EXD3: variants seen among roughly 807,000 people sequenced by gnomAD.
EXD3 encodes the protein exonuclease mut-7 homolog.
A neutral mutation model predicts 98.0 loss-of-function variants in EXD3; 92 were observed. That is an observed-to-expected ratio of 0.94 (90% CI 0.79 to 1.12). The LOEUF is 1.12. EXD3 is among the 50% of genes most tolerant of loss of function. EXD3 has a pLI of 0.00. For missense variants in EXD3, 1,222 were observed against 1,191.6 expected, an observed-to-expected ratio of 1.03 and a Z score of -0.38; for synonymous variants, 569 against 526.0, an observed-to-expected ratio of 1.08 and a Z score of -1.12.
At chr9:137,388,941 A>G (rs1300378584) in intron 2 of EXD3, among the ~76,000 whole-genome samples, 1 of 152,130 alleles carries the variant, frequency 6.6e-6, no homozygotes, top group Non-Finnish European at 1.5e-5. Context: ...CTGACCGCCC[A>G]CGGACAGCAG....
Position 137,395,264 on chromosome 9 carries a change from A to C in EXD3, c.55+39T>G. On this transcript the variant is annotated intron_variant, in intron 2 of 21. Transcript: ENST00000340951. This position sits in a 1 kb window ranked among gnomAD's most constrained non-coding sequence, Gnocchi z 6.5. ...TGCACACCCACGCACCTCCCCCCACAGCCCCAGGGAGACTCGGCACCATCA... is the reference window on the plus strand; with the variant it reads ...TGCACACCCACGCACCTCCCCCCACCGCCCCAGGGAGACTCGGCACCATCA... 11 of 1,456,320 alleles carry C rather than the reference A, an allele frequency of 7.6e-6. No individual in the cohort carries two copies. The highest frequency in any genetic ancestry group is 1.1e-5 in the South Asian group (1 of 88,760). 90.2% of individuals were successfully genotyped at this position (1,456,320 alleles called of 1,614,324 possible). A position where few individuals can be genotyped will look rare whatever the true frequency, so the allele number is the denominator to read the frequency against.
chr9:137,366,198 G>GC lies in EXD3; in HGVS notation c.656+294dup, dbSNP rs1384029617. 1.6e-5 allele frequency: 11 copies of GC among 702,376 alleles called. 1 individual carries two copies. The African/African-American group carries it at 1.7e-4, about 11-fold the overall frequency. The allele number at this position is 702,376 out of a possible 1,614,324, so 43.5% of individuals were successfully genotyped here. A position where few individuals can be genotyped will look rare whatever the true frequency, so the allele number is the denominator to read the frequency against. ...AACAAAGGAATGGATGAACAAGAAA[G>GC]CAGTACGGTTGCCATGCCTGCATGA... On this transcript the variant is annotated intron_variant, in intron 7 of 21. Coordinates refer to ENST00000340951, the MANE Select transcript of EXD3 (RefSeq NM_017820.5).
chr9:137,384,349 C>T (rs965239681), intron 2 of EXD3, among the ~76,000 whole-genome samples: 20 of 152,368 alleles, frequency 1.3e-4, no homozygotes, highest in African/African-American at 4.1e-4. Flanking sequence ...GGTTATGATT[C>T]AGCCCAGGAC....
chr9:137,388,459 C>T (rs376484737), intron 2 of EXD3, among the ~76,000 whole-genome samples: 5 of 152,204 alleles, frequency 3.3e-5, no homozygotes, highest in South Asian at 2.1e-4. Context: ...GAGACACAGA[C>T]GCACGCGGGA....
rs1364027908 is a variant in EXD3, at chr9:137,350,888, C to T, written c.1494+150G>A. The T allele has an allele frequency of 4.6e-6, 3 of 648,568 alleles. No individual in the cohort carries two copies. The East Asian group carries it at 8.3e-5, about 18-fold the overall frequency. 40.2% of individuals were successfully genotyped at this position (648,568 alleles called of 1,614,324 possible). A position where few individuals can be genotyped will look rare whatever the true frequency, so the allele number is the denominator to read the frequency against. On this transcript the variant is annotated intron_variant, in intron 14 of 21. Transcript: ENST00000340951. ...AGATGCCAGATCCAGCTCTGCCAGG[C>T]TCTGCTCTGGGGCCCTGGTGACTGA...
At chr9:137,382,823 C>T (rs575866482) in intron 3 of EXD3, among the ~76,000 whole-genome samples, 14 of 152,272 alleles carry the variant, frequency 9.2e-5, no homozygotes, top group Middle Eastern at 3.4e-3. Flanking sequence ...ACTAAGGAGC[C>T]GGAATCCGCG....
intron 1 of EXD3, among the ~76,000 whole-genome samples, chr9:137,402,583 CAACAAGTCTCT>C: frequency 6.6e-6 from 1 of 152,258 alleles, no homozygotes. Flanking sequence ...CAAAGCTATT[CAACAAGTCTCT>C]AGGAGGTTCC....
In EXD3 at chr9:137,340,529, C is replaced by CT. The variant is rs1330497354; in HGVS notation, c.1998+7541dup. ...TATTCATGAATAGAAGACTCAATATCTTTTTTTCTTTTTTTTAATGAGGTC... is the reference window on the plus strand; with the variant it reads ...TATTCATGAATAGAAGACTCAATATCTTTTTTTTCTTTTTTTTAATGAGGTC... On this transcript the variant is annotated intron_variant, in intron 17 of 21. Transcript: ENST00000340951. Among the ~76,000 whole-genome samples, 9 of 151,704 alleles carry CT rather than the reference C, an allele frequency of 5.9e-5. No individual in the cohort carries two copies. In the East Asian group the frequency reaches 7.8e-4, roughly 13 times the overall value.
At chr9:137,353,408 C>T (rs1834419382) in intron 10 of EXD3, 1 of 985,414 alleles carries the variant, frequency 1.0e-6, no homozygotes, top group South Asian at 4.7e-5. Flanking sequence ...CGCTCCTCCT[C>T]TTGCCAGGGG....
intron 1 of EXD3, among the ~76,000 whole-genome samples, chr9:137,420,262 C>T (rs1733155994): frequency 6.6e-6 from 1 of 152,106 alleles, no homozygotes; most frequent in Admixed American, 6.5e-5. Context: ...CTTGCTGACT[C>T]TTTTTATATT....
rs185720381 is a variant in EXD3, at chr9:137,420,745, C to A, written c.-48+2369G>T. Among the ~76,000 whole-genome samples the A allele has an allele frequency of 3.6e-4, 54 of 148,116 alleles. 4 individuals are homozygous for A. The highest frequency in any genetic ancestry group is 6.1e-5 in the Non-Finnish European group (4 of 66,100). ...CTGGAGGACAGACATTCACCCCCCC[C>A]CCCAAATTCATACAGGTATTATACA... On this transcript the variant is annotated intron_variant, in intron 1 of 21. Transcript: ENST00000340951.
Position 137,395,548 on chromosome 9 carries a change from G to C in EXD3, c.-47-144C>G. The C allele has an allele frequency of 1.4e-6, 1 of 716,092 alleles. No homozygotes were observed. Among genetic ancestry groups the C allele is most frequent in the South Asian group, 1.8e-5 (1 of 55,470 alleles). 44.4% of individuals were successfully genotyped at this position (716,092 alleles called of 1,614,324 possible). ...GGACCCCCAGTCGCTGAGCATAGCG[G>C]GCAGCTCCACACTCCTCTCCCAGCT... On this transcript the variant is annotated intron_variant, in intron 1 of 21. Transcript: ENST00000340951. This position sits in a 1 kb window ranked among gnomAD's most constrained non-coding sequence, Gnocchi z 6.5.
chr9:137,341,244 G>A (rs527775519), intron 17 of EXD3, among the ~76,000 whole-genome samples: 208 of 152,332 alleles, frequency 1.4e-3, no homozygotes, highest in African/African-American at 4.2e-3. Context: ...TTGAGCCTAC[G>A]ATGTTGAGGC....
chr9:137,325,829 C>A (rs1321810626), intron 17 of EXD3, among the ~76,000 whole-genome samples: 1 of 152,108 alleles, frequency 6.6e-6, no homozygotes, highest in Non-Finnish European at 1.5e-5. Context: ...GCGGCTCGTG[C>A]CTGTAATCCC....
chr9:137,370,604 GAAA>G (rs71387830), intron 5 of EXD3, among the ~76,000 whole-genome samples: 7 of 129,918 alleles, frequency 5.4e-5, no homozygotes, highest in Admixed American at 7.7e-5. Context: ...CTGCTTTCAG[GAAA>G]AAAAAAAAAA....
Position 137,385,678 on chromosome 9 carries a change from C to T in EXD3, c.56-2301G>A, listed in dbSNP as rs1022685934. Among the ~76,000 whole-genome samples, 14 of 152,154 alleles carry T rather than the reference C, an allele frequency of 9.2e-5. No homozygotes were observed. The highest frequency in any genetic ancestry group is 2.9e-4 in the African/African-American group (12 of 41,546). On this transcript the variant is annotated intron_variant, in intron 2 of 21. Coordinates refer to ENST00000340951, the MANE Select transcript of EXD3 (RefSeq NM_017820.5). The surrounding 1 kb of genome is among the most constrained non-coding windows in gnomAD (Gnocchi z 4.4). ...CCTCCGGAGTAGCTGGGAGTACAGGCGCTCACCGCTACGCCTGGCTAATTT... is the reference window on the plus strand; with the variant it reads ...CCTCCGGAGTAGCTGGGAGTACAGGTGCTCACCGCTACGCCTGGCTAATTT...
intron 7 of EXD3, among the ~76,000 whole-genome samples, chr9:137,361,973 G>A (rs1271339098): frequency 6.6e-6 from 1 of 152,052 alleles, no homozygotes; most frequent in Non-Finnish European, 1.5e-5. Context: ...CAATAAGTTT[G>A]ACAACTTAGA....
chr9:137,401,862 C>T (rs1837495935), intron 1 of EXD3, among the ~76,000 whole-genome samples: 1 of 152,232 alleles, frequency 6.6e-6, no homozygotes, highest in African/African-American at 2.4e-5. Flanking sequence ...ACATTTTCCC[C>T]ATGGTCTTGG....
intron 17 of EXD3, among the ~76,000 whole-genome samples, chr9:137,343,800 G>A (rs1833777385): frequency 6.6e-6 from 1 of 150,678 alleles, no homozygotes; most frequent in South Asian, 2.1e-4. Context: ...GTGTTAGCCA[G>A]GGTGGTCTTG....
Sources: gnomAD v4.1 joint callset for allele counts (sites outside exome capture counted in the v4.1 genomes callset) on GRCh38, gnomAD v4.1.1 for gene constraint, Gnocchi (gnomAD v3.1) non-coding constraint, MANE v1.5 for transcripts, NCBI Gene and HGNC (gene_info 2026-07-23, HGNC 2026-07-21) for gene names.